The following SEMA6C variants were observed in gnomAD, a reference collection of about 807,000 sequenced individuals.
SEMA6C encodes semaphorin-6C.
SEMA6C carries 37 observed loss-of-function variants against 72.9 expected under a neutral mutation model. The ratio of observed to expected loss-of-function variants is 0.51; its 90% CI spans 0.39 to 0.67. SEMA6C has a LOEUF of 0.67. Among genes scored for constraint, SEMA6C ranks in the 30% least tolerant of loss-of-function variants. The probability of loss-of-function intolerance (pLI) is 0.00; values close to 1 mark genes in which losing one functional copy is unlikely to be tolerated. For synonymous variants in SEMA6C, 578 were observed against 554.1 expected (o/e 1.04, Z -0.61); for missense variants, 1,189 against 1,263.6 (o/e 0.94, Z 0.89).
chr1:151,136,250 C>G (rs1682013555), intron 12 of SEMA6C, 87 bp from the exon 13 acceptor site: 1 of 1,558,438 alleles, frequency 6.4e-7, no homozygotes, highest in Non-Finnish European at 8.7e-7. Flanking sequence ...CCAAACCTGA[C>G]TGGAAAGCCT....
chr1:151,134,706 C>A (rs372386233), intron 16 of SEMA6C, 31 bp from the exon 17 acceptor site: 87 of 1,613,552 alleles, frequency 5.4e-5, no homozygotes, highest in Non-Finnish European at 4.2e-5. Context: ...CTATAGAATT[C>A]TGTACGTTGT....
rs775199904 is a variant in SEMA6C, at chr1:151,133,326, G to A, written c.1951C>T (p.Leu651Phe). ...ETPGLPRPLS[L>F]RSLARLHGGG... is the part of the protein sequence containing the mutation. ...CCGTGGAGCCGGGCCAAACTGCGGA[G>A]GGAGAGAGGGCGCGGGAGCCCCGGA... The change falls in exon 19 of 19, where the codon CTC becomes TTC. Residue 651 changes from leucine to phenylalanine, a missense_variant. Coordinates refer to ENST00000368914, the MANE Select transcript of SEMA6C (RefSeq NM_030913.6). This position sits in a 1 kb window ranked among gnomAD's most constrained non-coding sequence, Gnocchi z 5.9. The A allele has an allele frequency of 1.9e-6, 3 of 1,594,482 alleles. No homozygotes were observed. The highest frequency in any genetic ancestry group is 3.4e-5 in the Admixed American group (2 of 58,902).
chr1:151,140,273 C>T (rs1430695062), intron 3 of SEMA6C, among the ~76,000 whole-genome samples, 183 bp from the exon 4 acceptor site: 6 of 152,188 alleles, frequency 3.9e-5, no homozygotes, highest in Middle Eastern at 3.2e-3. Context: ...GCACTTTACA[C>T]GCATTGTCTC....
intron 10 of SEMA6C, 82 bp from the exon 11 acceptor site, chr1:151,137,156 C>T: frequency 7.7e-7 from 1 of 1,306,876 alleles, no homozygotes; most frequent in Non-Finnish European, 1.1e-6. Context: ...GAGTTAAGAG[C>T]AGTAAGGGGC....
rs1460507232 is a variant in SEMA6C, at chr1:151,135,664, G to A, written c.1360C>T (p.Leu454=). 7 of 1,614,108 alleles carry A rather than the reference G, an allele frequency of 4.3e-6. No individual in the cohort carries two copies. The highest frequency in any genetic ancestry group is 5.1e-6 in the Non-Finnish European group (6 of 1,180,028). Residue 454 remains leucine, a synonymous_variant, in exon 14 of 19, where the codon CTG becomes TTG. Transcript: ENST00000368914. ...CCCCCGGATCGCCCACCTGGGGTCAGCACCTTCAGCACTGTCCCATCATTG... is the reference window on the plus strand; with the variant it reads ...CCCCCGGATCGCCCACCTGGGGTCAACACCTTCAGCACTGTCCCATCATTG... ...GSNDGTVLKV[L]TPGGRSGGPE... is the part of the protein sequence containing the mutation.
At chr1:151,142,414 G>A (rs1357298206) in intron 3 of SEMA6C, 90 bp downstream of exon 3, 1 of 1,491,126 alleles carries the variant, frequency 6.7e-7, no homozygotes, top group East Asian at 2.3e-5. Flanking sequence ...TCCTGAGGCT[G>A]GGAGCCTTCC....
At chr1:151,142,405 C>T in intron 3 of SEMA6C, 99 bp downstream of exon 3, 1 of 1,350,164 alleles carries the variant, frequency 7.4e-7, no homozygotes, top group South Asian at 1.2e-5. Context: ...CTGTTAGCTT[C>T]CTGAGGCTGG....
At chr1:151,141,495 C>T (rs914169321) in intron 3 of SEMA6C, among the ~76,000 whole-genome samples, 3 of 152,088 alleles carry the variant, frequency 2.0e-5, no homozygotes, top group Non-Finnish European at 2.9e-5. Flanking sequence ...CTGCAACCTC[C>T]GCCTCCTGGG....
In SEMA6C at chr1:151,134,887, G is replaced by A. The variant is rs375091562; in HGVS notation, c.1581-12C>T. The stretch of plus-strand genomic sequence containing the variant: ...AAGCCAAACAGCTCCTAGGGAAAAC[G>A]GAGGTGTGTGAGGCTGGATCCCTTT... On this transcript the variant is annotated splice_polypyrimidine_tract_variant and intron_variant, in intron 15 of 18. Coordinates refer to ENST00000368914, the MANE Select transcript of SEMA6C (RefSeq NM_030913.6). 1.1e-5 allele frequency: 18 copies of A among 1,611,430 alleles called. No individual in the cohort carries two copies. The South Asian group carries it at 1.5e-4, about 14-fold the overall frequency.
intron 5 of SEMA6C, 46 bp downstream of exon 5, chr1:151,139,592 C>A (rs776969261): frequency 1.9e-6 from 3 of 1,607,768 alleles, no homozygotes; most frequent in Non-Finnish European, 2.6e-6. Flanking sequence ...TAGACCTTTC[C>A]CAGCCTCATC....
rs1453456715 is a variant in SEMA6C at position 151,134,462 on chromosome 1, G to C, written c.1715-17C>G. On this transcript the variant is annotated splice_polypyrimidine_tract_variant and intron_variant, in intron 17 of 18. Coordinates refer to ENST00000368914, the MANE Select transcript of SEMA6C (RefSeq NM_030913.6). ...TAGCTCCATCTATGAAGAAGGGACA[G>C]GGTGAAGATGGGGGGAAAGAGAAGC... The C allele has an allele frequency of 6.2e-7, 1 of 1,606,678 alleles. No homozygotes were observed. The highest frequency in any genetic ancestry group is 8.5e-7 in the Non-Finnish European group (1 of 1,176,142).
rs1486706039 is a variant in SEMA6C at position 151,133,810 on chromosome 1, G to C, written c.1760-293C>G. The C allele has an allele frequency of 2.3e-6, 2 of 858,842 alleles. No homozygotes were observed. The highest frequency in any genetic ancestry group is 3.5e-5 in the African/African-American group (2 of 57,700). The allele number at this position is 858,842 out of a possible 1,614,324, so 53.2% of individuals were successfully genotyped here. On this transcript the variant is annotated intron_variant, in intron 18 of 18. Coordinates refer to ENST00000368914, the MANE Select transcript of SEMA6C (RefSeq NM_030913.6). The surrounding 1 kb of genome is among the most constrained non-coding windows in gnomAD (Gnocchi z 5.9). Reference sequence around the variant, plus strand: ...ACTGCCAAAAACTGCTCGTGCAGGAGAACTCGGGGCTGGGATGCCCAATTC... The same window carrying C: ...ACTGCCAAAAACTGCTCGTGCAGGACAACTCGGGGCTGGGATGCCCAATTC...
At chr1:151,142,280 C>A (rs902708200) in intron 3 of SEMA6C, among the ~76,000 whole-genome samples, 1 of 152,122 alleles carries the variant, frequency 6.6e-6, no homozygotes, top group Admixed American at 6.6e-5. Flanking sequence ...AGAGCCCATG[C>A]TCTTAACCTC....
intron 3 of SEMA6C, among the ~76,000 whole-genome samples, chr1:151,140,817 A>G (rs1034668416): frequency 3.6e-4 from 54 of 152,076 alleles, no homozygotes; most frequent in South Asian, 2.1e-4. Flanking sequence ...ACATGGTGAA[A>G]CCCCATCTCT....
chr1:151,142,628 C>G lies in SEMA6C; in HGVS notation c.-7G>C, dbSNP rs745465160. ...AGTGGGGGGCACGGGGCATCCTGTGCGGGGCAGCTCAGGCCCCAGGGGGTG... is the reference window on the plus strand; with the variant it reads ...AGTGGGGGGCACGGGGCATCCTGTGGGGGGCAGCTCAGGCCCCAGGGGGTG... On this transcript the variant is annotated 5_prime_UTR_variant, in exon 3 of 19. Transcript: ENST00000368914. 1.5e-5 allele frequency: 24 copies of G among 1,548,440 alleles called. No individual in the cohort carries two copies. The highest frequency in any genetic ancestry group is 2.1e-5 in the Non-Finnish European group (24 of 1,150,686).
chr1:151,135,949 CAAAGA>C, intron 13 of SEMA6C, 57 bp downstream of exon 13: 1 of 1,606,016 alleles, frequency 6.2e-7, no homozygotes, highest in Non-Finnish European at 8.5e-7. Flanking sequence ...CTTGTTGGGT[CAAAGA>C]AAGAGGAGGG....
chr1:151,134,596 AC>A, intron 17 of SEMA6C, 23 bp downstream of exon 17: 1 of 1,613,834 alleles, frequency 6.2e-7, no homozygotes, highest in East Asian at 2.2e-5. Context: ...TTTGGCTGCA[AC>A]AGCAGCTGCC....
chr1:151,142,569 G>A lies in SEMA6C; in HGVS notation c.53C>T (p.Ser18Leu), dbSNP rs1682638546. ...MPLLLLLLLL[S>L]LPHTQAAFPQ... ...AAAGGCGGCCTGAGTATGGGGAAGT[G>A]AGAGCAGCAGCAGCAGTAGCAGCAA... Residue 18 changes from serine to leucine, a missense_variant, in exon 3 of 19, where the codon TCA becomes TTA. Physicochemically the swap from Ser to Leu is moderately radical, Grantham distance 145. Coordinates refer to ENST00000368914, the MANE Select transcript of SEMA6C (RefSeq NM_030913.6). The A allele has an allele frequency of 3.1e-6, 5 of 1,609,788 alleles. No homozygotes were observed. Among genetic ancestry groups the A allele is most frequent in the Non-Finnish European group, 3.4e-6 (4 of 1,177,922 alleles).
rs1558184392 is a variant in SEMA6C, at chr1:151,137,783, CTG to C, written c.682_683del (p.Gln228GlyfsTer35). 6.2e-7 allele frequency: 1 copy of C among 1,613,588 alleles called. No homozygotes were observed. On this transcript the variant is annotated frameshift_variant, in exon 10 of 19. Transcript: ENST00000368914. LOFTEE classifies it high-confidence loss of function. ...SKWLREPHFVQALEHGDHVYF... is the reference protein window; with the variant it reads ...SKWLREPHFVXALEHGDHVYF... ...AGACATGGTCTCCATGCTCCAAGGC[CTG>C]GACAAAGTGTGGCTCTAAGATGGGG...
Sources: allele counts gnomAD v4.1 joint callset (sites outside exome capture counted in the v4.1 genomes callset), GRCh38; gene constraint gnomAD v4.1.1; non-coding constraint Gnocchi (gnomAD v3.1); transcripts MANE v1.5; gene names NCBI Gene and HGNC (gene_info 2026-07-23, HGNC 2026-07-21).